The following SEC14L3 variants were observed in gnomAD, a reference collection of about 807,000 sequenced individuals.
SEC14L3 encodes SEC14-like protein 3.
A neutral mutation model predicts 57.4 loss-of-function variants in SEC14L3; 56 were observed. The ratio of observed to expected loss-of-function variants is 0.97; its 90% confidence interval spans 0.79 to 1.22. SEC14L3 has a LOEUF of 1.22. Ranked by LOEUF, SEC14L3 falls within the 50% of genes most tolerant of loss-of-function variation. The probability of loss-of-function intolerance (pLI) is 0.00; values close to 1 mark genes in which losing one functional copy is unlikely to be tolerated. For missense variants in SEC14L3, 485 were observed against 511.7 expected (o/e 0.95, Z 0.50); for synonymous variants, 173 against 194.4 (o/e 0.89, Z 0.92).
chr22:30,464,777 AG>A (rs779267967), intron 8 of SEC14L3, 42 bp downstream of exon 8: 1 of 1,590,744 alleles, frequency 6.3e-7, no homozygotes, highest in South Asian at 1.1e-5. Context: ...CTCACTCCAA[AG>A]GTCATGTATA....
chr22:30,448,707 C>CAA, exon 13 of SEC14L3: 1 of 95,544 alleles, frequency 1.0e-5, no homozygotes, highest in South Asian at 3.2e-4. Flanking sequence ...CTCATCTCTA[C>CAA]CAAAAAAAAA....
chr22:30,466,237 T>C (rs990687120), intron 7 of SEC14L3, 97 bp downstream of exon 7: 199 of 1,185,006 alleles, frequency 1.7e-4, no homozygotes, highest in Middle Eastern at 1.9e-4. Flanking sequence ...GAAACCAACC[T>C]GCCTCACAAC....
intron 5 of SEC14L3, 193 bp from the exon 6 acceptor site, chr22:30,467,270 T>A (rs1459977156): frequency 3.6e-6 from 1 of 276,274 alleles, no homozygotes; most frequent in Non-Finnish European, 5.4e-6. Flanking sequence ...CATCCATCCA[T>A]CCATCCATCC....
chr22:30,449,258 G>A (rs1601805127), intron 12 of SEC14L3: 2 of 1,548,570 alleles, frequency 1.3e-6, no homozygotes, highest in Non-Finnish European at 1.7e-6. Flanking sequence ...TAAAATTGAG[G>A]TGGTTATGAG....
chr22:30,454,601 C>A (rs1401544774), downstream of SEC14L3, among the ~76,000 whole-genome samples: 9 of 57,516 alleles, frequency 1.6e-4, no homozygotes, highest in African/African-American at 2.3e-4. Context: ...TATATATAAT[C>A]TATAATATTA....
intron 1 of SEC14L3, chr22:30,471,328 G>A: frequency 4.4e-6 from 2 of 454,122 alleles, no homozygotes; most frequent in Admixed American, 4.8e-5. Context: ...TTGGGTGGAT[G>A]AATAAGTGGA....
At chr22:30,464,191 C>T (rs997895150) in intron 8 of SEC14L3, among the ~76,000 whole-genome samples, 3 of 152,120 alleles carry the variant, frequency 2.0e-5, no homozygotes, top group Non-Finnish European at 1.5e-5. Context: ...TCTTTCTGCT[C>T]GTCTGCCTCA....
chr22:30,470,607 G>T (rs758656247), intron 1 of SEC14L3, 25 bp from the exon 2 acceptor site: 29 of 1,614,168 alleles, frequency 1.8e-5, no homozygotes, highest in Non-Finnish European at 2.4e-5. Flanking sequence ...GCTGGTTAAA[G>T]TGGCTCTCTC....
chr22:30,453,237 A>G (rs1935021168), intron 12 of SEC14L3, among the ~76,000 whole-genome samples: 1 of 152,112 alleles, frequency 6.6e-6, no homozygotes, highest in South Asian at 2.1e-4. Flanking sequence ...GTAACATTCT[A>G]TAACGTGCTT....
chr22:30,468,458 G>A (rs374547878), intron 5 of SEC14L3, 50 bp downstream of exon 5: 78 of 1,439,360 alleles, frequency 5.4e-5, no homozygotes, highest in South Asian at 3.5e-4. Context: ...CAATCCCCCC[G>A]GCAGCCTCAC....
chr22:30,456,299 CAAA>C (rs61284271), downstream of SEC14L3, among the ~76,000 whole-genome samples: 7 of 95,990 alleles, frequency 7.3e-5, no homozygotes, highest in Non-Finnish European at 6.1e-5. Flanking sequence ...ACCCTGTCTC[CAAA>C]AAAAAAAAAA....
downstream of SEC14L3, among the ~76,000 whole-genome samples, chr22:30,457,965 A>G (rs1935148502): frequency 6.6e-6 from 1 of 152,234 alleles, no homozygotes; most frequent in Admixed American, 6.5e-5. Context: ...AGCAGATATC[A>G]GATTTTGCAC....
chr22:30,454,330 C>A (rs1935039795), downstream of SEC14L3, among the ~76,000 whole-genome samples: 1 of 151,802 alleles, frequency 6.6e-6, no homozygotes, highest in Non-Finnish European at 1.5e-5. Context: ...GGGAGGCCCA[C>A]AAGATGGGGC....
chr22:30,456,299 C>CAAAAAAA (rs61284271), downstream of SEC14L3, among the ~76,000 whole-genome samples: 10 of 95,934 alleles, frequency 1.0e-4, no homozygotes, highest in South Asian at 3.5e-4. Context: ...ACCCTGTCTC[C>CAAAAAAA]AAAAAAAAAA....
chr22:30,470,396 G>A, intron 2 of SEC14L3, 111 bp downstream of exon 2: 1 of 1,599,432 alleles, frequency 6.3e-7, no homozygotes, highest in Non-Finnish European at 8.5e-7. Flanking sequence ...CTGAACATGT[G>A]AAGCAAGATT....
intron 4 of SEC14L3, 150 bp downstream of exon 4, chr22:30,469,869 C>A: frequency 1.6e-6 from 1 of 629,132 alleles, no homozygotes. Context: ...TGCAAGCCCC[C>A]AGGAAACATT....
At position 30,449,952 on chromosome 22, in the gene SEC14L3, G is replaced by A. The variant is rs186781140; in HGVS notation, c.905-708C>T. 5.9e-4 allele frequency among the ~76,000 whole-genome samples: 90 copies of A among 152,042 alleles called. 1 individual carries two copies. Among genetic ancestry groups the A allele is most frequent in the African/African-American group, 2.0e-3 (83 of 41,464 alleles). ...CAGGAGAATTGTCTCTCCTCAGAGG[G>A]CCTGTTCTGGACTGGGTGTGATAGT... On this transcript the variant is annotated intron_variant, in intron 12 of 12. Coordinates refer to the SEC14L3 transcript ENST00000403066.
At chr22:30,468,974 G>A (rs745506394) in intron 4 of SEC14L3, 36 of 1,421,542 alleles carry the variant, frequency 2.5e-5, no homozygotes, top group Middle Eastern at 2.6e-4. Flanking sequence ...GAGAAGAGTC[G>A]GGTTTAGTGA....
intron 4 of SEC14L3, chr22:30,469,042 G>A (rs1260375427): frequency 1.3e-5 from 15 of 1,188,236 alleles, no homozygotes; most frequent in Middle Eastern, 3.1e-4. Context: ...CACTGGCTGG[G>A]CATGGAGGCT....
Sources: allele counts gnomAD v4.1 joint callset (sites outside exome capture counted in the v4.1 genomes callset), GRCh38; gene constraint gnomAD v4.1.1; transcripts MANE v1.5; gene names NCBI Gene and HGNC (gene_info 2026-07-23, HGNC 2026-07-21).